Variants in HIVEP1 observed in about 807,000 individuals in gnomAD.
HIVEP1 encodes the protein zinc finger protein 40.
In HIVEP1, 36 loss-of-function variants were observed where a neutral mutation model predicts 180.0. The ratio of observed to expected loss-of-function variants is 0.20; its 90% CI spans 0.15 to 0.26. HIVEP1 has a LOEUF of 0.26. Among genes scored for constraint, HIVEP1 ranks in the 10% least tolerant of loss-of-function variants. The pLI is 1.00. For synonymous variants in HIVEP1, 1,239 were observed against 1,239.0 expected, an observed-to-expected ratio of 1.00 and a Z score of 0.00; for missense variants, 3,143 against 3,268.7, an observed-to-expected ratio of 0.96 and a Z score of 0.94.
the HIVEP1 span, among the ~76,000 whole-genome samples, chr6:12,199,499 T>C: frequency 6.6e-6 from 1 of 151,876 alleles, no homozygotes; most frequent in Admixed American, 6.6e-5. Flanking sequence ...GTAGCTGGGA[T>C]TACAGGTGCC....
intron 3 of HIVEP1, among the ~76,000 whole-genome samples, chr6:12,107,048 A>G (rs1774473896): frequency 6.6e-6 from 1 of 152,164 alleles, no homozygotes; most frequent in Non-Finnish European, 1.5e-5. Flanking sequence ...ATGTCCTCTT[A>G]ACTTTTTTGA....
chr6:12,150,221 C>A (rs527356574), intron 7 of HIVEP1, among the ~76,000 whole-genome samples: 60 of 152,268 alleles, frequency 3.9e-4, no homozygotes, highest in Non-Finnish European at 7.2e-4. Flanking sequence ...TTCTCCTGTT[C>A]TTGGGGTATT....
At chr6:12,140,167 GTTCTGCAATATT>G (rs1347634433) in intron 7 of HIVEP1, among the ~76,000 whole-genome samples, 1 of 152,176 alleles carries the variant, frequency 6.6e-6, no homozygotes, top group East Asian at 1.9e-4. Context: ...AATATTTGCC[GTTCTGCAATATT>G]TGCTGTTCTT....
intron 7 of HIVEP1, among the ~76,000 whole-genome samples, chr6:12,141,851 GC>G (rs1759057457): frequency 6.6e-6 from 1 of 151,952 alleles, no homozygotes; most frequent in Non-Finnish European, 1.5e-5. Context: ...AAATATATAT[GC>G]ACCCAATACA....
the HIVEP1 span, among the ~76,000 whole-genome samples, chr6:12,195,810 C>T: frequency 6.6e-6 from 1 of 152,176 alleles, no homozygotes; most frequent in Non-Finnish European, 1.5e-5. Flanking sequence ...GGTTTATGTA[C>T]TTAAAATAAA....
chr6:12,208,308 C>T, the HIVEP1 span, among the ~76,000 whole-genome samples: 3 of 152,142 alleles, frequency 2.0e-5, no homozygotes, highest in South Asian at 4.1e-4. Flanking sequence ...ACCCCAAACT[C>T]GCCCTGTGAT....
chr6:12,185,482 C>G, the HIVEP1 span, among the ~76,000 whole-genome samples: 2 of 152,140 alleles, frequency 1.3e-5, no homozygotes, highest in Admixed American at 1.3e-4. Context: ...ACTGCAGGTT[C>G]CACAGTGCTG....
At chr6:12,105,772 T>C (rs1396454700) in intron 3 of HIVEP1, among the ~76,000 whole-genome samples, 1 of 152,152 alleles carries the variant, frequency 6.6e-6, no homozygotes, top group Non-Finnish European at 1.5e-5. Flanking sequence ...GCTTTTTTGC[T>C]TAGAAAGTGT....
At chr6:12,185,273 G>A in the HIVEP1 span, among the ~76,000 whole-genome samples, 1 of 152,218 alleles carries the variant, frequency 6.6e-6, no homozygotes, top group African/African-American at 2.4e-5. Context: ...GGTCTTGCTG[G>A]GTGGAGGGAA....
At chr6:12,168,980 CAGGTTCA>C (rs151125231), downstream of HIVEP1, among the ~76,000 whole-genome samples, 34,865 of 151,738 alleles carry the variant, frequency 0.23, 4,766 homozygotes, top group Non-Finnish European at 0.31. Context: ...CTCTGCCTCC[CAGGTTCA>C]AGTGATTCTC....
Position 12,121,386 on chromosome 6 carries a change from T to C in HIVEP1, c.1591T>C (p.Ser531Pro), listed in dbSNP as rs745487145. The part of the protein sequence containing the change: ...RMSNAETLLK[S>P]SFTPSSPENV... ...GTCAAATGCTGAAACTTTACTAAAA[T>C]CAAGCTTCACTCCAAGCAGTCCAGA... Residue 531 changes from serine (S) to proline (P), a missense_variant, in exon 4 of 9, where the codon TCA (serine) becomes CCA (proline). Around this residue, in one of 12 missense-constraint regions of HIVEP1, gnomAD observed 365 missense variants for 344.4 expected, o/e 1.06. Coordinates refer to ENST00000379388, the MANE Select transcript of HIVEP1 (RefSeq NM_002114.4). This position sits in a 1 kb window ranked among gnomAD's most constrained non-coding sequence, Gnocchi z 5.3. 5.0e-6 allele frequency: 8 copies of C among 1,614,116 alleles called. No homozygotes were observed. The South Asian group carries it at 8.8e-5, about 18-fold the overall frequency.
chr6:12,168,321 T>TATATACATATATAATATAC (rs1358551346), downstream of HIVEP1, among the ~76,000 whole-genome samples: 7 of 137,818 alleles, frequency 5.1e-5, no homozygotes, highest in Admixed American at 2.4e-4. Flanking sequence ...ATTATATACA[T>TATATACATATATAATATAC]ATATATTATA....
intron 2 of HIVEP1, among the ~76,000 whole-genome samples, chr6:12,060,857 G>C (rs952795022): frequency 2.0e-5 from 3 of 152,194 alleles, no homozygotes; most frequent in Non-Finnish European, 4.4e-5. Flanking sequence ...CTTTAAGAAG[G>C]AAATTAAGTA....
chr6:12,135,329 G>A (rs1243799876), intron 6 of HIVEP1, among the ~76,000 whole-genome samples: 3 of 152,148 alleles, frequency 2.0e-5, no homozygotes, highest in African/African-American at 7.2e-5. Context: ...CTGCAACCCA[G>A]GGTACTTAGG....
In HIVEP1 at chr6:12,030,465, A is replaced by AT. The variant is rs1318668070; in HGVS notation, c.40+14804dup. The stretch of plus-strand genomic sequence containing the variant: ...CTGAGGGTCTGTTAATATCTCTTTA[A>AT]TTTTTTTCTGTTCCTCAGATTGGAT... On this transcript the variant is annotated intron_variant, in intron 2 of 8. Coordinates refer to ENST00000379388, the MANE Select transcript of HIVEP1 (RefSeq NM_002114.4). Among the ~76,000 whole-genome samples, 4 of 151,396 alleles carry AT rather than the reference A, an allele frequency of 2.6e-5. No individual in the cohort carries two copies. The East Asian group carries it at 7.7e-4, about 29-fold the overall frequency.
At chr6:12,041,010 A>T (rs918956032) in intron 2 of HIVEP1, among the ~76,000 whole-genome samples, 1 of 152,226 alleles carries the variant, frequency 6.6e-6, no homozygotes, top group Non-Finnish European at 1.5e-5. Flanking sequence ...GCATTACAAT[A>T]CAACATGAGA....
rs1235993106 is a variant in HIVEP1, at chr6:12,026,906, G to A, written c.40+11238G>A. 2.0e-5 allele frequency among the ~76,000 whole-genome samples: 3 copies of A among 152,220 alleles called. No homozygotes were observed. The East Asian group carries it at 5.8e-4, about 29-fold the overall frequency. On this transcript the variant is annotated intron_variant, in intron 2 of 8. Coordinates refer to ENST00000379388, the MANE Select transcript of HIVEP1 (RefSeq NM_002114.4). ...AGAACAAGGTGGTTAGGGGTTGGTA[G>A]GGGTGATGTTGATCTGCAATTTACT...
intron 2 of HIVEP1, among the ~76,000 whole-genome samples, chr6:12,077,299 T>C (rs1176061509): frequency 2.6e-5 from 4 of 152,214 alleles, no homozygotes; most frequent in African/African-American, 9.6e-5. Context: ...ACCTGACTAT[T>C]GTCACTGGCA....
At chr6:12,110,289 C>T (rs1430712933) in intron 3 of HIVEP1, among the ~76,000 whole-genome samples, 4 of 152,238 alleles carry the variant, frequency 2.6e-5, no homozygotes, top group Admixed American at 2.6e-4. Context: ...GAGAGTCAGC[C>T]TGTCCTTTGA....
Sources: allele counts gnomAD v4.1 joint callset (sites outside exome capture counted in the v4.1 genomes callset), GRCh38; gene constraint gnomAD v4.1.1; regional missense constraint gnomAD v4.1.1; non-coding constraint Gnocchi (gnomAD v3.1); transcripts MANE v1.5; gene names NCBI Gene and HGNC (gene_info 2026-07-23, HGNC 2026-07-21).